ANKRD16: variants seen among roughly 807,000 people sequenced by gnomAD.
The protein encoded by ANKRD16 is ankyrin repeat domain 16.
In ANKRD16, 35 loss-of-function variants were observed where a neutral mutation model predicts 37.9. The ratio of observed to expected loss-of-function variants is 0.92; its 90% confidence interval spans 0.71 to 1.23. ANKRD16 has a LOEUF of 1.23. Ranked by LOEUF, ANKRD16 falls within the 50% of genes most tolerant of loss-of-function variation. ANKRD16 has a pLI of 0.00. For synonymous variants in ANKRD16, 206 were observed against 197.2 expected, an observed-to-expected ratio of 1.04 and a Z score of -0.37; for missense variants, 480 against 469.9, an observed-to-expected ratio of 1.02 and a Z score of -0.20.
chr10:5,882,979 C>G (rs617165), intron 5 of ANKRD16, 27 bp downstream of exon 5: 1,399,771 of 1,606,358 alleles, frequency 0.87, 610,691 homozygotes, highest in Admixed American at 0.92. Flanking sequence ...CAGGGAAGCT[C>G]GGACAACGTT....
rs2131750986 is a variant in ANKRD16, at chr10:5,864,402, C to A, written c.*34-1711G>T. Among the ~76,000 whole-genome samples, 1 of 152,214 alleles carries A rather than the reference C, an allele frequency of 6.6e-6. No homozygotes were observed. The highest frequency in any genetic ancestry group is 2.1e-4 in the South Asian group (1 of 4,820). On this transcript the variant is annotated intron_variant, in intron 7 of 7. Coordinates refer to ENST00000380094, the MANE Select transcript of ANKRD16 (RefSeq NM_019046.3). This position sits in a 1 kb window ranked among gnomAD's most constrained non-coding sequence, Gnocchi z 4.4. ...GTATGGGGAGGGGAATTTGGCCCAACCCGGGTACATGTCCCCTTCTCCTTC... is the reference window on the plus strand; with the variant it reads ...GTATGGGGAGGGGAATTTGGCCCAAACCGGGTACATGTCCCCTTCTCCTTC...
chr10:5,877,938 T>C, intron 7 of ANKRD16, 159 bp downstream of exon 7: 5 of 701,462 alleles, frequency 7.1e-6, no homozygotes, highest in Non-Finnish European at 1.2e-5. Flanking sequence ...AATGTGCCTG[T>C]CATGGAGCTG....
In ANKRD16 at chr10:5,871,828, C is replaced by T. The variant is rs1415594681; in HGVS notation, c.*33+6269G>A. 6.6e-6 allele frequency among the ~76,000 whole-genome samples: 1 copy of T among 152,186 alleles called. No individual in the cohort carries two copies. Among genetic ancestry groups the T allele is most frequent in the East Asian group, 1.9e-4 (1 of 5,200 alleles). On this transcript the variant is annotated intron_variant, in intron 7 of 7. Coordinates refer to ENST00000380094, the MANE Select transcript of ANKRD16 (RefSeq NM_019046.3). This position sits in a 1 kb window ranked among gnomAD's most constrained non-coding sequence, Gnocchi z 4.5. ...GCCACATGCTCATCCCCTCACTCAC[C>T]CTCTCGGAGAAAACTACTGTCCTGT... is the stretch of plus-strand genomic sequence containing the variant.
rs1842054905 is a variant in ANKRD16, at chr10:5,869,158, G to A, written c.*34-6467C>T. Among the ~76,000 whole-genome samples the A allele has an allele frequency of 2.6e-5, 4 of 151,948 alleles. No homozygotes were observed. ...CCAAGACAATCATTCTTCTTCCAAT[G>A]TGGCCCAAGGGAGACAAAAGATTAG... On this transcript the variant is annotated intron_variant, in intron 7 of 7. Coordinates refer to ENST00000380094, the MANE Select transcript of ANKRD16 (RefSeq NM_019046.3). This position sits in a 1 kb window ranked among gnomAD's most constrained non-coding sequence, Gnocchi z 4.0.
intron 2 of ANKRD16, 127 bp from the exon 3 acceptor site, chr10:5,885,892 G>C (rs554109715): frequency 1.1e-6 from 1 of 875,210 alleles, no homozygotes; most frequent in Non-Finnish European, 1.8e-6. Context: ...CATTAAATTG[G>C]GTACACTGTT....
Position 5,889,115 on chromosome 10 carries a change from G to GGAGGCCGCCTCGTGCA in ANKRD16, c.224_239dup (p.Met81AlafsTer96). 1 of 1,595,894 alleles carries GGAGGCCGCCTCGTGCA rather than the reference G, an allele frequency of 6.3e-7. No homozygotes were observed. On this transcript the variant is annotated frameshift_variant, in exon 1 of 8. Transcript: ENST00000380094. LOFTEE classifies it high-confidence loss of function. ...AGCGCACGCAGTCTCGGTGGCCCAT[G>GGAGGCCGCCTCGTGCA]GAGGCCGCCTCGTGCAGAGGCCGCT...
intron 4 of ANKRD16, 22 bp from the exon 5 acceptor site, chr10:5,883,189 G>A (rs1373619667): frequency 5.0e-6 from 8 of 1,608,228 alleles, no homozygotes; most frequent in South Asian, 1.1e-5. Context: ...AGGAGAGAAA[G>A]GAGCAAAGGT....
At chr10:5,882,469 A>AAACAAAC (rs1251365482) in intron 5 of ANKRD16, among the ~76,000 whole-genome samples, 12 of 149,704 alleles carry the variant, frequency 8.0e-5, no homozygotes, top group African/African-American at 3.0e-4. Flanking sequence ...ACAAAAACAA[A>AAACAAAC]AACAAACAAA....
At chr10:5,876,439 C>T (rs1415078095) in intron 7 of ANKRD16, among the ~76,000 whole-genome samples, 1 of 152,194 alleles carries the variant, frequency 6.6e-6, no homozygotes, top group African/African-American at 2.4e-5. Flanking sequence ...AGGGCAGTCC[C>T]AGACTGATCT....
intron 6 of ANKRD16, among the ~76,000 whole-genome samples, chr10:5,879,795 A>G (rs956780634): frequency 2.2e-5 from 1 of 44,890 alleles, no homozygotes; most frequent in Non-Finnish European, 6.2e-5. Context: ...CATCACTGTT[A>G]TAATAACAAT....
chr10:5,880,175 TAAAAAAAAAAAAAA>T (rs56264154), intron 6 of ANKRD16, 109 bp downstream of exon 6: 4 of 112,584 alleles, frequency 3.6e-5, no homozygotes, highest in Non-Finnish European at 4.4e-5. Flanking sequence ...CCACCACCAC[TAAAAAAAAAAAAAA>T]AAAAAAAAAA....
At chr10:5,883,830 G>T in intron 4 of ANKRD16, 139 bp downstream of exon 4, 1 of 657,284 alleles carries the variant, frequency 1.5e-6, no homozygotes, top group East Asian at 2.8e-5. Context: ...TGCTTAAAGA[G>T]GTCACCAAGT....
intron 5 of ANKRD16, among the ~76,000 whole-genome samples, chr10:5,881,342 T>G (rs1156267348): frequency 1.3e-5 from 2 of 149,350 alleles, no homozygotes; most frequent in Admixed American, 6.8e-5. Context: ...AGGGGAGAGA[T>G]AAACTAGAAA....
At chr10:5,882,945 T>C in intron 5 of ANKRD16, 61 bp downstream of exon 5, 2 of 1,566,072 alleles carry the variant, frequency 1.3e-6, no homozygotes, top group Non-Finnish European at 1.7e-6. Flanking sequence ...GCAGAGCTAC[T>C]GATCAAAGAA....
chr10:5,881,951 T>C (rs545958599), intron 5 of ANKRD16, among the ~76,000 whole-genome samples: 25 of 151,996 alleles, frequency 1.6e-4, no homozygotes, highest in Non-Finnish European at 3.4e-4. Context: ...CCTCCCAAAG[T>C]GCTGGGATTA....
chr10:5,886,682 C>G (rs1842428672), intron 2 of ANKRD16, among the ~76,000 whole-genome samples: 1 of 152,230 alleles, frequency 6.6e-6, no homozygotes, highest in Non-Finnish European at 1.5e-5. Flanking sequence ...AATCAATGTA[C>G]TACCTAGAAA....
chr10:5,887,948 C>T lies in ANKRD16; in HGVS notation c.434G>A (p.Ser145Asn), dbSNP rs1842472420. ...GAGGATCAGAGGGTCGCCTTCTCGACTGGCAATGTGGAAACTGTTCCAGCC... is the reference window on the plus strand; with the variant it reads ...GAGGATCAGAGGGTCGCCTTCTCGATTGGCAATGTGGAAACTGTTCCAGCC... ...KDGWNSFHIA[S>N]REGDPLILQY... Residue 145 changes from serine (S) to asparagine (N), a missense_variant, in exon 2 of 8, where the codon AGT (serine) becomes AAT (asparagine). By Grantham distance (46) the Ser-to-Asn change is conservative (BLOSUM62 1). Coordinates refer to ENST00000380094, the MANE Select transcript of ANKRD16 (RefSeq NM_019046.3). The T allele has an allele frequency of 6.2e-7, 1 of 1,614,232 alleles. No individual in the cohort carries two copies. The highest frequency in any genetic ancestry group is 1.1e-5 in the South Asian group (1 of 91,090).
At position 5,874,425 on chromosome 10, in the gene ANKRD16, G is replaced by A. The variant is rs1011159026; in HGVS notation, c.*33+3672C>T. On this transcript the variant is annotated intron_variant, in intron 7 of 7. Transcript: ENST00000380094. This position sits in a 1 kb window ranked among gnomAD's most constrained non-coding sequence, Gnocchi z 4.7. ...TGGAGGGTGGATTTGAGGACTTGGA[G>A]AGGTGTATTTAAGACATGGCTGCCA... Among the ~76,000 whole-genome samples the A allele has an allele frequency of 6.6e-6, 1 of 152,230 alleles. No homozygotes were observed. The highest frequency in any genetic ancestry group is 2.4e-5 in the African/African-American group (1 of 41,466).
rs947093479 is a variant in ANKRD16, at chr10:5,864,830, A to C, written c.*34-2139T>G. On this transcript the variant is annotated intron_variant, in intron 7 of 7. Coordinates refer to ENST00000380094, the MANE Select transcript of ANKRD16 (RefSeq NM_019046.3). The surrounding 1 kb of genome is among the most constrained non-coding windows in gnomAD (Gnocchi z 4.4). ...TGAATTATTTGATGATGTCCACCAT[A>C]ACTCAGGGAAAGGAAGAAAATCCTT... is the stretch of plus-strand genomic sequence containing the variant. 6.6e-6 allele frequency among the ~76,000 whole-genome samples: 1 copy of C among 152,208 alleles called. No individual in the cohort carries two copies. The highest frequency in any genetic ancestry group is 1.5e-5 in the Non-Finnish European group (1 of 68,036).
Sources: gnomAD v4.1 joint callset for allele counts (sites outside exome capture counted in the v4.1 genomes callset) on GRCh38, gnomAD v4.1.1 for gene constraint, Gnocchi (gnomAD v3.1) non-coding constraint, MANE v1.5 for transcripts, NCBI Gene and HGNC (gene_info 2026-07-23, HGNC 2026-07-21) for gene names.